Variants in ENOX1 observed in about 807,000 individuals in gnomAD.
ENOX1 encodes ecto-NOX disulfide-thiol exchanger 1, also known as candidate growth-related and time keeping constitutive hydroquinone (NADH) oxidase.
In ENOX1, 42 loss-of-function variants were observed where a neutral mutation model predicts 82.5. That is an observed-to-expected ratio of 0.51 (90% CI 0.40 to 0.66). ENOX1 has a LOEUF of 0.66. Ranked by LOEUF, ENOX1 falls within the 30% of genes least tolerant of loss-of-function variation. The pLI is 0.00. For missense variants in ENOX1, 608 were observed against 811.6 expected, an observed-to-expected ratio of 0.75 and a Z score of 3.05; for synonymous variants, 271 against 282.2, an observed-to-expected ratio of 0.96 and a Z score of 0.40.
At chr13:43,703,395 T>G (rs530975137) in intron 1 of ENOX1, among the ~76,000 whole-genome samples, 1 of 152,270 alleles carries the variant, frequency 6.6e-6, no homozygotes, top group East Asian at 1.9e-4. Context: ...TCCCTTCCAT[T>G]TATGGGCAAC....
chr13:43,514,208 T>A (rs1245294274), intron 2 of ENOX1, among the ~76,000 whole-genome samples: 1 of 152,192 alleles, frequency 6.6e-6, no homozygotes, highest in Non-Finnish European at 1.5e-5. Context: ...TTCAAACCAG[T>A]TTTACATATC....
intron 11 of ENOX1, among the ~76,000 whole-genome samples, chr13:43,321,430 C>T (rs1314207462): frequency 6.6e-6 from 1 of 152,186 alleles, no homozygotes; most frequent in Non-Finnish European, 1.5e-5. Context: ...CACTCGCACC[C>T]CTACATTCTC....
chr13:43,529,817 T>TAGA, intron 2 of ENOX1, among the ~76,000 whole-genome samples: 1 of 152,206 alleles, frequency 6.6e-6, no homozygotes, highest in Middle Eastern at 3.4e-3. Context: ...ATGATACTAT[T>TAGA]AGAAGCAGAA....
intron 12 of ENOX1, among the ~76,000 whole-genome samples, chr13:43,290,025 T>C (rs1022243314): frequency 4.6e-5 from 7 of 152,112 alleles, no homozygotes; most frequent in African/African-American, 1.7e-4. Flanking sequence ...CACGAAGAGA[T>C]ACCATCTCAC....
chr13:43,360,136 G>T (rs2050405228), intron 6 of ENOX1, 79 bp from the exon 7 acceptor site: 1 of 1,310,486 alleles, frequency 7.6e-7, no homozygotes, highest in Non-Finnish European at 1.1e-6. Flanking sequence ...ACTAAAGCTT[G>T]CAGAGTAACT....
intron 15 of ENOX1, among the ~76,000 whole-genome samples, chr13:43,228,576 TG>T (rs2042129994): frequency 6.6e-6 from 1 of 152,218 alleles, no homozygotes; most frequent in Non-Finnish European, 1.5e-5. Flanking sequence ...AAAAGCACTC[TG>T]AGCTTCTCCC....
chr13:43,529,222 C>G (rs1035086171), intron 2 of ENOX1, among the ~76,000 whole-genome samples: 2 of 151,934 alleles, frequency 1.3e-5, no homozygotes, highest in African/African-American at 4.8e-5. Context: ...TATGTGAATC[C>G]TCCTTTCGTC....
chr13:43,336,282 G>A (rs924994816), intron 9 of ENOX1, among the ~76,000 whole-genome samples: 1 of 152,144 alleles, frequency 6.6e-6, no homozygotes, highest in Non-Finnish European at 1.5e-5. Flanking sequence ...CCTAAAAGGG[G>A]GATCACAGTA....
At chr13:43,756,966 C>T (rs28660584) in intron 1 of ENOX1, among the ~76,000 whole-genome samples, 538 of 23,126 alleles carry the variant, frequency 0.023, 2 homozygotes, top group African/African-American at 0.062. Context: ...ACAACAAAAA[C>T]AACAACAAAA....
intron 2 of ENOX1, among the ~76,000 whole-genome samples, chr13:43,634,394 G>A (rs1453125965): frequency 1.3e-5 from 2 of 152,184 alleles, no homozygotes; most frequent in Non-Finnish European, 2.9e-5. Flanking sequence ...ACAGAGGAGA[G>A]GGAGATTTAC....
At chr13:43,248,620 C>A (rs1037182422) in intron 14 of ENOX1, among the ~76,000 whole-genome samples, 7 of 151,700 alleles carry the variant, frequency 4.6e-5, no homozygotes, top group Non-Finnish European at 8.8e-5. Flanking sequence ...AATATATAAC[C>A]TTTTCTCTTT....
At chr13:43,661,773 AT>A (rs1238591031) in intron 2 of ENOX1, among the ~76,000 whole-genome samples, 12 of 152,320 alleles carry the variant, frequency 7.9e-5, no homozygotes, top group African/African-American at 2.6e-4. Flanking sequence ...ACGGGACTGA[AT>A]TAGGACTGAT....
chr13:43,302,715 C>T (rs1356596117), intron 11 of ENOX1, among the ~76,000 whole-genome samples: 2 of 152,154 alleles, frequency 1.3e-5, no homozygotes, highest in Non-Finnish European at 2.9e-5. Context: ...TAATTATGGT[C>T]AAAGTGACCT....
chr13:43,669,493 C>CT (rs1210067116), intron 1 of ENOX1, among the ~76,000 whole-genome samples: 3 of 152,064 alleles, frequency 2.0e-5, no homozygotes, highest in African/African-American at 7.3e-5. Context: ...TCACCCCTTC[C>CT]TTTTGTGAGA....
At chr13:43,707,393 G>A (rs893665003) in intron 1 of ENOX1, among the ~76,000 whole-genome samples, 2 of 152,098 alleles carry the variant, frequency 1.3e-5, no homozygotes, top group African/African-American at 4.8e-5. Context: ...AAATTGACAG[G>A]TGAGTCTAAA....
intron 2 of ENOX1, among the ~76,000 whole-genome samples, chr13:43,645,295 A>G: frequency 6.6e-6 from 1 of 152,124 alleles, no homozygotes; most frequent in Non-Finnish European, 1.5e-5. Context: ...CTGAGTAGCT[A>G]GAACTACAGG....
chr13:43,460,793 C>CAACAAAAAAA (rs2057439704), intron 3 of ENOX1, among the ~76,000 whole-genome samples: 1 of 25,702 alleles, frequency 3.9e-5, no homozygotes, highest in African/African-American at 1.9e-4. Flanking sequence ...GACTCCATCT[C>CAACAAAAAAA]AAAAAAAAAA....
At chr13:43,690,596 T>A (rs1388554501) in intron 1 of ENOX1, among the ~76,000 whole-genome samples, 1 of 152,162 alleles carries the variant, frequency 6.6e-6, no homozygotes, top group Non-Finnish European at 1.5e-5. Context: ...TTAGCAAAAT[T>A]AATTTTTCGT....
At chr13:43,307,033 TGAACA>T in intron 11 of ENOX1, among the ~76,000 whole-genome samples, 1 of 152,312 alleles carries the variant, frequency 6.6e-6, no homozygotes, top group South Asian at 2.1e-4. Context: ...AATAATGGGT[TGAACA>T]GAAAACTTTT....
Sources: gnomAD v4.1 joint callset for allele counts (sites outside exome capture counted in the v4.1 genomes callset) on GRCh38, gnomAD v4.1.1 for gene constraint, MANE v1.5 for transcripts, NCBI Gene and HGNC (gene_info 2026-07-23, HGNC 2026-07-21) for gene names.